The following DNAAF11 variants were observed in gnomAD, a reference collection of about 807,000 sequenced individuals.
The protein encoded by DNAAF11 is leucine rich repeat containing 6.
In DNAAF11, 45 loss-of-function variants were observed where a neutral mutation model predicts 60.8. The observed-to-expected ratio is 0.74, with a 90% confidence interval of 0.58 to 0.95. DNAAF11 has a LOEUF of 0.95. DNAAF11 is among the 40% of genes least tolerant of loss of function. The pLI, the probability that DNAAF11 is intolerant of heterozygous loss-of-function variation, is 0.00. For missense variants in DNAAF11, 546 were observed against 546.2 expected (o/e 1.00, Z 0.00); for synonymous variants, 191 against 183.5 (o/e 1.04, Z -0.33).
intron 8 of DNAAF11, among the ~76,000 whole-genome samples, chr8:132,611,623 C>T (rs950614614): frequency 3.3e-5 from 5 of 152,164 alleles, no homozygotes; most frequent in Admixed American, 6.5e-5. Flanking sequence ...GTCTGAAACA[C>T]CAGAGGTTTG....
At chr8:132,584,473 G>A (rs901080433) in intron 10 of DNAAF11, among the ~76,000 whole-genome samples, 3 of 152,030 alleles carry the variant, frequency 2.0e-5, no homozygotes, top group Admixed American at 6.5e-5. Flanking sequence ...TACGTGCTAG[G>A]CACACACCTA....
At chr8:132,650,196 G>T (rs1822860985) in intron 3 of DNAAF11, among the ~76,000 whole-genome samples, 1 of 152,300 alleles carries the variant, frequency 6.6e-6, no homozygotes, top group South Asian at 2.1e-4. Context: ...CCATAAAAAT[G>T]GATGAGTTCA....
chr8:132,697,141 A>G, the DNAAF11 span, among the ~76,000 whole-genome samples: 44,540 of 152,104 alleles, frequency 0.29, 6,794 homozygotes, highest in East Asian at 0.38. Context: ...CTGTTAGTAG[A>G]TTAGTGGTTA....
chr8:132,597,375 T>C (rs1817120883), intron 10 of DNAAF11, among the ~76,000 whole-genome samples: 1 of 152,042 alleles, frequency 6.6e-6, no homozygotes, highest in Non-Finnish European at 1.5e-5. Context: ...GGGAGGCCTG[T>C]GAGTTTCCAG....
chr8:132,596,030 G>A (rs1403833352), intron 10 of DNAAF11, among the ~76,000 whole-genome samples: 2 of 152,240 alleles, frequency 1.3e-5, no homozygotes, highest in South Asian at 2.1e-4. Context: ...AGTTGATGGC[G>A]CCATTTTCTG....
intron 10 of DNAAF11, among the ~76,000 whole-genome samples, chr8:132,585,084 C>A (rs1415526988): frequency 6.6e-6 from 1 of 152,086 alleles, no homozygotes; most frequent in East Asian, 1.9e-4. Context: ...ATCCCCAAAG[C>A]CTAGCCCATT....
At chr8:132,698,710 G>A in the DNAAF11 span, among the ~76,000 whole-genome samples, 3 of 151,832 alleles carry the variant, frequency 2.0e-5, no homozygotes, top group Middle Eastern at 3.4e-3. Flanking sequence ...CTGTTCTGGT[G>A]AAAAAAATAG....
upstream of DNAAF11, among the ~76,000 whole-genome samples, chr8:132,679,832 G>A (rs1265538904): frequency 1.3e-5 from 2 of 152,156 alleles, no homozygotes; most frequent in Non-Finnish European, 2.9e-5. Flanking sequence ...TGCCATGATT[G>A]TGAGGCCTCC....
At chr8:132,584,465 C>T (rs888307309) in intron 10 of DNAAF11, among the ~76,000 whole-genome samples, 3 of 152,138 alleles carry the variant, frequency 2.0e-5, no homozygotes, top group Admixed American at 6.5e-5. Context: ...GACTCCACTA[C>T]GTGCTAGGCA....
intron 10 of DNAAF11, 134 bp downstream of exon 10, chr8:132,610,032 A>G (rs1276506225): frequency 3.3e-6 from 2 of 606,262 alleles, no homozygotes. Flanking sequence ...CTCCTACCTC[A>G]GCTGCTGTGA....
chr8:132,669,330 G>A (rs1324590203), intron 1 of DNAAF11, among the ~76,000 whole-genome samples: 1 of 152,206 alleles, frequency 6.6e-6, no homozygotes, highest in Non-Finnish European at 1.5e-5. Context: ...CAAGGACACT[G>A]TTATTCCTGG....
chr8:132,658,907 G>A (rs1823857550), intron 2 of DNAAF11, among the ~76,000 whole-genome samples: 2 of 152,196 alleles, frequency 1.3e-5, no homozygotes, highest in South Asian at 2.1e-4. Context: ...CAAAATGGAA[G>A]AGCCTCTTGG....
At chr8:132,593,757 T>C (rs1031140997) in intron 10 of DNAAF11, among the ~76,000 whole-genome samples, 6 of 152,060 alleles carry the variant, frequency 3.9e-5, no homozygotes, top group African/African-American at 7.2e-5. Context: ...CCCTTCTTTA[T>C]GAGGCCATTG....
upstream of DNAAF11, among the ~76,000 whole-genome samples, chr8:132,678,327 C>T (rs1825818450): frequency 6.6e-6 from 1 of 152,162 alleles, no homozygotes; most frequent in Non-Finnish European, 1.5e-5. Context: ...TAACTCATTC[C>T]CTATAGTTTA....
At chr8:132,694,276 C>T in the DNAAF11 span, among the ~76,000 whole-genome samples, 1 of 152,028 alleles carries the variant, frequency 6.6e-6, no homozygotes, top group Admixed American at 6.6e-5. Flanking sequence ...TTGTGTCCTC[C>T]CACCCAAATT....
chr8:132,582,127 T>G (rs973092831), intron 11 of DNAAF11, among the ~76,000 whole-genome samples: 2 of 152,188 alleles, frequency 1.3e-5, no homozygotes, highest in African/African-American at 2.4e-5. Flanking sequence ...CCCCAGTCCC[T>G]GTGAGCAGCT....
intron 3 of DNAAF11, among the ~76,000 whole-genome samples, chr8:132,648,360 C>CA (rs1280838042): frequency 6.6e-6 from 1 of 152,134 alleles, no homozygotes; most frequent in African/African-American, 2.4e-5. Context: ...AGACGTATCT[C>CA]AAAATATTAA....
the DNAAF11 span, chr8:132,685,007 G>C: frequency 6.1e-5 from 8 of 130,152 alleles, no homozygotes; most frequent in Admixed American, 1.4e-4. Flanking sequence ...CGAGAAGGGT[G>C]GTGTTCAGAG....
intron 7 of DNAAF11, among the ~76,000 whole-genome samples, chr8:132,618,901 G>T (rs1819469721): frequency 6.6e-6 from 1 of 151,966 alleles, no homozygotes; most frequent in African/African-American, 2.4e-5. Context: ...GATTCCTCAG[G>T]GATCTAGAAC....
Sources: gnomAD v4.1 joint callset for allele counts (sites outside exome capture counted in the v4.1 genomes callset) on GRCh38, gnomAD v4.1.1 for gene constraint, MANE v1.5 for transcripts, NCBI Gene and HGNC (gene_info 2026-07-23, HGNC 2026-07-21) for gene names.